Variants in THSD7B observed in about 807,000 individuals in gnomAD.
THSD7B encodes the protein thrombospondin type 1 domain containing 7B, also known as thrombospondin type-1 domain-containing protein 7B.
THSD7B carries 138 observed loss-of-function variants against 213.6 expected under a neutral mutation model. The observed-to-expected ratio is 0.65, with a 90% CI of 0.56 to 0.74. The LOEUF is 0.74. Among genes scored for constraint, THSD7B ranks in the 30% least tolerant of loss-of-function variants. The pLI, the probability that THSD7B is intolerant of heterozygous loss-of-function variation, is 0.00. For synonymous variants in THSD7B, 742 were observed against 687.0 expected (o/e 1.08, Z -1.25); for missense variants, 1,931 against 1,991.5 (o/e 0.97, Z 0.58).
chr2:136,876,332 C>T (rs1652444), intron 1 of THSD7B, among the ~76,000 whole-genome samples: 130,759 of 152,204 alleles, frequency 0.86, 56,546 homozygotes, highest in Non-Finnish European at 0.91. Context: ...CACCAGGAAG[C>T]TATATTGTTT....
intron 7 of THSD7B, among the ~76,000 whole-genome samples, chr2:137,190,735 T>A (rs1175899643): frequency 3.3e-5 from 5 of 152,126 alleles, no homozygotes; most frequent in Non-Finnish European, 5.9e-5. Flanking sequence ...GAGGAAATGA[T>A]TTACAGTTCA....
intron 7 of THSD7B, among the ~76,000 whole-genome samples, chr2:137,199,418 T>G (rs1393576495): frequency 2.6e-5 from 4 of 152,170 alleles, no homozygotes; most frequent in African/African-American, 7.2e-5. Flanking sequence ...TCCCAGTAAT[T>G]AACAAAGTTT....
intron 2 of THSD7B, among the ~76,000 whole-genome samples, chr2:136,930,523 A>G (rs1036115045): frequency 3.9e-5 from 6 of 152,234 alleles, no homozygotes; most frequent in African/African-American, 1.4e-4. Flanking sequence ...TGGTTCTTGA[A>G]TCTAGAAGTA....
chr2:137,250,688 C>T (rs957609778), intron 10 of THSD7B, among the ~76,000 whole-genome samples: 11 of 152,106 alleles, frequency 7.2e-5, no homozygotes, highest in Non-Finnish European at 1.5e-4. Context: ...ATCTCTCCAT[C>T]GTAGAGAATA....
chr2:137,090,221 A>G (rs1428998112), intron 3 of THSD7B, among the ~76,000 whole-genome samples: 2 of 152,118 alleles, frequency 1.3e-5, no homozygotes, highest in African/African-American at 4.8e-5. Flanking sequence ...TATCTGAAAT[A>G]CAATCAATTT....
chr2:137,238,510 A>G (rs905736979), intron 9 of THSD7B, among the ~76,000 whole-genome samples: 3 of 130,298 alleles, frequency 2.3e-5, no homozygotes, highest in Non-Finnish European at 4.8e-5. Context: ...ATAACACTAT[A>G]TCCTGATAAT....
intron 15 of THSD7B, among the ~76,000 whole-genome samples, chr2:137,501,830 T>C (rs1400856147): frequency 6.6e-6 from 1 of 152,218 alleles, no homozygotes; most frequent in Non-Finnish European, 1.5e-5. Flanking sequence ...ATTTAGTGGT[T>C]AATTGTGAGG....
chr2:137,216,099 A>T (rs938552171), intron 7 of THSD7B, among the ~76,000 whole-genome samples: 24 of 152,276 alleles, frequency 1.6e-4, no homozygotes, highest in Middle Eastern at 3.4e-3. Flanking sequence ...TATATATTTT[A>T]TGAATTTCAT....
At chr2:137,223,830 T>A (rs10192224) in intron 7 of THSD7B, among the ~76,000 whole-genome samples, 9,202 of 152,106 alleles carry the variant, frequency 0.06, 729 homozygotes, top group African/African-American at 0.18. Flanking sequence ...GAGGCGGATA[T>A]TCCCCTTGCT....
chr2:137,497,603 ATGTG>A (rs3048506), intron 15 of THSD7B, among the ~76,000 whole-genome samples: 1 of 151,086 alleles, frequency 6.6e-6, no homozygotes, highest in Non-Finnish European at 1.5e-5. Flanking sequence ...ATATATATGT[ATGTG>A]TGTGTGTGTG....
chr2:136,820,920 A>T (rs1477920603), intron 1 of THSD7B, among the ~76,000 whole-genome samples: 1 of 152,032 alleles, frequency 6.6e-6, no homozygotes, highest in Non-Finnish European at 1.5e-5. Context: ...TCAAAAAGCA[A>T]ATGCTACAAA....
chr2:136,905,587 C>T (rs1684145529), intron 2 of THSD7B, among the ~76,000 whole-genome samples: 1 of 152,192 alleles, frequency 6.6e-6, no homozygotes, highest in Non-Finnish European at 1.5e-5. Flanking sequence ...GGTTTGTAGT[C>T]ATCCTGCCTA....
At chr2:137,081,562 T>A (rs1687748494) in intron 3 of THSD7B, among the ~76,000 whole-genome samples, 1 of 152,172 alleles carries the variant, frequency 6.6e-6, no homozygotes, top group Non-Finnish European at 1.5e-5. Context: ...ATTTCTCTAT[T>A]TGTCCATTCT....
At chr2:137,226,992 A>AAT (rs1006665191) in intron 7 of THSD7B, among the ~76,000 whole-genome samples, 21 of 152,328 alleles carry the variant, frequency 1.4e-4, no homozygotes, top group African/African-American at 4.8e-4. Context: ...AAAGATCACA[A>AAT]ATATATATAA....
At chr2:136,779,555 TAAATG>T (rs1293411910) in intron 1 of THSD7B, among the ~76,000 whole-genome samples, 1 of 152,200 alleles carries the variant, frequency 6.6e-6, no homozygotes, top group Non-Finnish European at 1.5e-5. Context: ...AAGTGTTTCT[TAAATG>T]AATCATATTA....
chr2:137,239,719 A>G (rs1681858374), intron 9 of THSD7B, among the ~76,000 whole-genome samples: 1 of 152,148 alleles, frequency 6.6e-6, no homozygotes, highest in Non-Finnish European at 1.5e-5. Flanking sequence ...TTGGTTGGTT[A>G]CAGTAGTACT....
intron 20 of THSD7B, among the ~76,000 whole-genome samples, chr2:137,635,717 G>GT (rs1346309489): frequency 6.6e-6 from 1 of 151,222 alleles, no homozygotes; most frequent in African/African-American, 2.4e-5. Flanking sequence ...TATTCCGCAA[G>GT]TTTCTTTTTT....
intron 7 of THSD7B, among the ~76,000 whole-genome samples, chr2:137,219,037 T>A (rs1003985531): frequency 6.6e-6 from 1 of 152,118 alleles, no homozygotes; most frequent in African/African-American, 2.4e-5. Flanking sequence ...TTAATTAGTT[T>A]GCAAGATTTT....
At chr2:137,192,381 G>A (rs2105015736) in intron 7 of THSD7B, among the ~76,000 whole-genome samples, 1 of 152,276 alleles carries the variant, frequency 6.6e-6, no homozygotes, top group East Asian at 1.9e-4. Context: ...AGAGTGAAGT[G>A]ATATTCATGA....
Sources: allele counts gnomAD v4.1 joint callset (sites outside exome capture counted in the v4.1 genomes callset), GRCh38; gene constraint gnomAD v4.1.1; transcripts MANE v1.5; gene names NCBI Gene and HGNC (gene_info 2026-07-23, HGNC 2026-07-21).